CELF5: variants seen among roughly 807,000 people sequenced by gnomAD.
The protein encoded by CELF5 is CUGBP Elav-like family member 5, also known as CUG-BP and ETR-3 like factor 5.
In CELF5, 6 loss-of-function variants were observed where a neutral mutation model predicts 54.9. That is an observed-to-expected ratio of 0.11 (90% confidence interval 0.06 to 0.22). CELF5 has a LOEUF of 0.22. Among genes scored for constraint, CELF5 ranks in the 10% least tolerant of loss-of-function variants. The pLI, the probability that CELF5 is intolerant of heterozygous loss-of-function variation, is 1.00. For missense variants in CELF5, 401 were observed against 678.6 expected, an observed-to-expected ratio of 0.59 and a Z score of 4.54; for synonymous variants, 271 against 290.9, an observed-to-expected ratio of 0.93 and a Z score of 0.70.
chr19:3,273,203 G>A (rs2079994312), intron 2 of CELF5, among the ~76,000 whole-genome samples: 1 of 152,052 alleles, frequency 6.6e-6, no homozygotes, highest in Admixed American at 6.6e-5. Context: ...GCAAAGCTTG[G>A]TCTGGGCTCA....
rs893198831 is a variant in CELF5 at position 3,251,155 on chromosome 19, G to T, written c.342+88G>T. The stretch of plus-strand genomic sequence containing the variant: ...GCCAAGGCTCTTCCTGAGATTGGCT[G>T]TGAATTCTGTGTGTCTCGGGACTCA... On this transcript the variant is annotated intron_variant, in intron 2 of 12. Transcript: ENST00000292672. The T allele has an allele frequency of 1.5e-4, 143 of 939,986 alleles. 1 individual carries two copies. The highest frequency in any genetic ancestry group is 2.1e-4 in the Non-Finnish European group (122 of 585,260). 58.2% of individuals were successfully genotyped at this position (939,986 alleles called of 1,614,324 possible).
chr19:3,272,862 A>C (rs1599454416), intron 2 of CELF5, among the ~76,000 whole-genome samples: 1 of 152,162 alleles, frequency 6.6e-6, no homozygotes, highest in Non-Finnish European at 1.5e-5. Context: ...TGGAGATGCA[A>C]ATGCCTCCCC....
intron 11 of CELF5, among the ~76,000 whole-genome samples, chr19:3,292,107 T>C (rs1201954833): frequency 6.6e-6 from 1 of 151,982 alleles, no homozygotes; most frequent in Non-Finnish European, 1.5e-5. Flanking sequence ...CCATCACGTC[T>C]GGCTAATTTT....
At chr19:3,255,341 C>T (rs923803823) in intron 2 of CELF5, among the ~76,000 whole-genome samples, 2 of 152,134 alleles carry the variant, frequency 1.3e-5, no homozygotes, top group Non-Finnish European at 2.9e-5. Flanking sequence ...TGAGCCACCA[C>T]GCTGGCTAAT....
intron 1 of CELF5, among the ~76,000 whole-genome samples, chr19:3,226,169 T>C (rs188783820): frequency 6.6e-6 from 1 of 152,152 alleles, no homozygotes; most frequent in Admixed American, 6.5e-5. Flanking sequence ...TGGAGAGGCC[T>C]TGGGGAAGGA....
intron 1 of CELF5, among the ~76,000 whole-genome samples, chr19:3,230,562 G>A (rs563278883): frequency 6.6e-6 from 1 of 152,308 alleles, no homozygotes; most frequent in East Asian, 1.9e-4. Flanking sequence ...AGCATGGGCT[G>A]GACCAGGAAA....
intron 2 of CELF5, among the ~76,000 whole-genome samples, chr19:3,270,137 C>A (rs2079936832): frequency 6.6e-6 from 1 of 152,054 alleles, no homozygotes. Flanking sequence ...TCTCCCAGCT[C>A]CAACCCTGAC....
intron 2 of CELF5, among the ~76,000 whole-genome samples, chr19:3,270,253 A>G (rs1286076227): frequency 6.6e-6 from 1 of 152,138 alleles, no homozygotes; most frequent in African/African-American, 2.4e-5. Flanking sequence ...CCCCAGAACC[A>G]GAGAGTCATG....
intron 2 of CELF5, 34 bp downstream of exon 2, chr19:3,251,101 C>A: frequency 6.5e-7 from 1 of 1,538,450 alleles, no homozygotes; most frequent in Non-Finnish European, 9.0e-7. Context: ...GAGGAGGGGA[C>A]AGGGGATGGC....
chr19:3,231,470 ATGGATGGATGGATGGATGGATGGG>A (rs1482825622), intron 1 of CELF5, among the ~76,000 whole-genome samples: 8 of 148,462 alleles, frequency 5.4e-5, no homozygotes, highest in African/African-American at 1.8e-4. Context: ...GGATGGATGG[ATGGATGGATGGATGGATGGATGGG>A]TGGATGAATG....
intron 1 of CELF5, among the ~76,000 whole-genome samples, chr19:3,241,046 A>G (rs550556300): frequency 6.6e-5 from 10 of 150,724 alleles, no homozygotes; most frequent in Non-Finnish European, 1.2e-4. Context: ...TGCATTGTCT[A>G]TGAACTTGAA....
At chr19:3,292,991 C>A (rs2080376467) in intron 11 of CELF5, among the ~76,000 whole-genome samples, 1 of 152,166 alleles carries the variant, frequency 6.6e-6, no homozygotes, top group Admixed American at 6.5e-5. Context: ...TGGAAGGAGG[C>A]AGGCATCCTC....
intron 10 of CELF5, among the ~76,000 whole-genome samples, chr19:3,287,682 G>A (rs2080277152): frequency 6.6e-6 from 1 of 152,130 alleles, no homozygotes; most frequent in Non-Finnish European, 1.5e-5. Flanking sequence ...GAGCCCAGGA[G>A]GTCAAGGCTG....
intron 2 of CELF5, among the ~76,000 whole-genome samples, chr19:3,261,874 T>C (rs1323791350): frequency 6.6e-6 from 1 of 152,098 alleles, no homozygotes; most frequent in Admixed American, 6.6e-5. Context: ...TGAAGTTTGC[T>C]GAAGCCTGTT....
intron 1 of CELF5, among the ~76,000 whole-genome samples, chr19:3,237,409 C>T (rs1006992228): frequency 1.3e-5 from 2 of 151,508 alleles, no homozygotes; most frequent in African/African-American, 2.4e-5. Context: ...TATGGTTACT[C>T]CTTGACCATA....
chr19:3,260,684 G>C (rs574588464), intron 2 of CELF5, among the ~76,000 whole-genome samples: 1 of 148,122 alleles, frequency 6.8e-6, no homozygotes, highest in African/African-American at 2.5e-5. Context: ...GTGCAGTGGC[G>C]TGATCTTGGC....
intron 5 of CELF5, among the ~76,000 whole-genome samples, chr19:3,280,386 C>T (rs1457750550): frequency 6.6e-6 from 1 of 151,532 alleles, no homozygotes; most frequent in Non-Finnish European, 1.5e-5. Flanking sequence ...GCCTGGCCAA[C>T]ATAGTGAAAC....
chr19:3,229,046 C>T (rs1917119029), intron 1 of CELF5, among the ~76,000 whole-genome samples: 1 of 151,806 alleles, frequency 6.6e-6, no homozygotes. Flanking sequence ...TCATAAGGCC[C>T]CGGAGCCTCA....
At chr19:3,253,927 T>C (rs1422130902) in intron 2 of CELF5, among the ~76,000 whole-genome samples, 4 of 152,168 alleles carry the variant, frequency 2.6e-5, no homozygotes, top group Non-Finnish European at 5.9e-5. Context: ...TTTGTCCTCA[T>C]TTCCCTGATG....
Sources: gnomAD v4.1 joint callset for allele counts (sites outside exome capture counted in the v4.1 genomes callset) on GRCh38, gnomAD v4.1.1 for gene constraint, MANE v1.5 for transcripts, NCBI Gene and HGNC (gene_info 2026-07-23, HGNC 2026-07-21) for gene names.